Variants in MAGI2 observed in about 807,000 individuals in gnomAD.
MAGI2 encodes membrane associated guanylate kinase, WW and PDZ domain containing 2.
Under a neutral mutation model 133.3 loss-of-function variants are expected in MAGI2, and 35 were observed. The observed-to-expected ratio is 0.26, with a 90% CI of 0.20 to 0.35. The LOEUF is 0.35. MAGI2 is among the 10% of genes least tolerant of loss of function. The pLI is 1.00. For missense variants in MAGI2, 1,636 were observed against 1,863.4 expected (o/e 0.88, Z 2.25); for synonymous variants, 729 against 710.6 (o/e 1.03, Z -0.41).
At chr7:78,982,456 GATT>G in intron 2 of MAGI2, among the ~76,000 whole-genome samples, 1 of 151,660 alleles carries the variant, frequency 6.6e-6, no homozygotes, top group Non-Finnish European at 1.5e-5. Context: ...TGATGTTAGT[GATT>G]ATTATCATCA....
At chr7:78,943,723 A>G (rs1305027814) in intron 2 of MAGI2, among the ~76,000 whole-genome samples, 1 of 152,194 alleles carries the variant, frequency 6.6e-6, no homozygotes, top group Non-Finnish European at 1.5e-5. Flanking sequence ...TATTGCAAGT[A>G]GCATTTTGTT....
chr7:78,106,535 T>G (rs1449661110), intron 20 of MAGI2, among the ~76,000 whole-genome samples: 1 of 152,206 alleles, frequency 6.6e-6, no homozygotes, highest in Non-Finnish European at 1.5e-5. Flanking sequence ...GCCTATCTTT[T>G]GGATAAAAGC....
intron 2 of MAGI2, among the ~76,000 whole-genome samples, chr7:78,669,636 C>T (rs908563785): frequency 2.6e-5 from 4 of 152,020 alleles, no homozygotes; most frequent in African/African-American, 9.7e-5. Context: ...AATTTTAGAC[C>T]AATATCCTTG....
At chr7:78,668,161 T>C (rs1038417340) in intron 2 of MAGI2, among the ~76,000 whole-genome samples, 5 of 152,224 alleles carry the variant, frequency 3.3e-5, no homozygotes, top group Non-Finnish European at 7.3e-5. Flanking sequence ...GAGCATTTTT[T>C]CACGTGTTTT....
chr7:78,757,608 T>C (rs1328665069), intron 2 of MAGI2, among the ~76,000 whole-genome samples: 1 of 152,184 alleles, frequency 6.6e-6, no homozygotes. Context: ...GTCCTCATCT[T>C]ATATGACTTA....
At chr7:78,091,076 GTGA>G (rs1012415317) in intron 20 of MAGI2, among the ~76,000 whole-genome samples, 14 of 151,304 alleles carry the variant, frequency 9.3e-5, no homozygotes, top group African/African-American at 3.2e-4. Context: ...GTGTGTGTGT[GTGA>G]TAAGAGAGTA....
intron 3 of MAGI2, among the ~76,000 whole-genome samples, chr7:78,573,345 TAGAGAGAGAGAATCCTGGAA>T (rs1801899405): frequency 1.5e-4 from 10 of 65,136 alleles, no homozygotes; most frequent in East Asian, 5.4e-4. Context: ...TATATATATA[TAGAGAGAGAGAATCCTGGAA>T]ATATATATAT....
intron 2 of MAGI2, among the ~76,000 whole-genome samples, chr7:78,757,669 T>C (rs904012111): frequency 2.6e-4 from 39 of 152,234 alleles, no homozygotes; most frequent in African/African-American, 8.7e-4. Flanking sequence ...CACTTCTTCA[T>C]TGGCTTTGAG....
chr7:78,159,637 TG>T (rs1329956972), intron 16 of MAGI2, among the ~76,000 whole-genome samples: 1 of 152,234 alleles, frequency 6.6e-6, no homozygotes, highest in Non-Finnish European at 1.5e-5. Context: ...TTTGCATGTC[TG>T]GTTCTATTCT....
At chr7:79,380,480 C>T (rs1843698661) in intron 1 of MAGI2, among the ~76,000 whole-genome samples, 1 of 151,684 alleles carries the variant, frequency 6.6e-6, no homozygotes, top group Admixed American at 6.6e-5. Context: ...TTGCTCTTGC[C>T]CATTAGTTCT....
rs776686800 is a variant in MAGI2, at chr7:79,299,098, T to C, written c.301+153922A>G. 1.4e-4 allele frequency among the ~76,000 whole-genome samples: 22 copies of C among 152,262 alleles called. 1 individual carries two copies. The Middle Eastern group carries it at 0.01, about 71-fold the overall frequency. ...AAGCAGAGAAAAGTAATTTCTCTGC[T>C]ATAAGTAATAAGGCAATGTGATGGG... On this transcript the variant is annotated intron_variant, in intron 1 of 21. Transcript: ENST00000354212.
At chr7:78,933,462 G>C (rs565771638) in intron 2 of MAGI2, among the ~76,000 whole-genome samples, 2 of 152,190 alleles carry the variant, frequency 1.3e-5, no homozygotes, top group Non-Finnish European at 2.9e-5. Context: ...GTGTATGCTT[G>C]GCACAAACTC....
At chr7:78,395,790 G>A (rs1796294928) in intron 6 of MAGI2, among the ~76,000 whole-genome samples, 2 of 152,148 alleles carry the variant, frequency 1.3e-5, no homozygotes, top group South Asian at 2.1e-4. Context: ...AGAATGGCAA[G>A]AATGTGATGA....
At chr7:78,210,070 A>T (rs1787619025) in intron 10 of MAGI2, among the ~76,000 whole-genome samples, 1 of 151,828 alleles carries the variant, frequency 6.6e-6, no homozygotes, top group African/African-American at 2.4e-5. Context: ...TGTATCCTGC[A>T]TTTTTCCTTT....
At chr7:78,478,678 C>T (rs1044802453) in intron 6 of MAGI2, among the ~76,000 whole-genome samples, 9 of 151,896 alleles carry the variant, frequency 5.9e-5, no homozygotes, top group Non-Finnish European at 1.5e-5. Context: ...GCTAAATACC[C>T]TGGAAACAAT....
chr7:78,338,237 T>C (rs999682439), intron 9 of MAGI2, among the ~76,000 whole-genome samples: 1 of 152,234 alleles, frequency 6.6e-6, no homozygotes, highest in Non-Finnish European at 1.5e-5. Flanking sequence ...AGGTGAAACA[T>C]TAATGTACAC....
At chr7:78,882,857 T>TC (rs1795983671) in intron 2 of MAGI2, among the ~76,000 whole-genome samples, 2 of 151,880 alleles carry the variant, frequency 1.3e-5, no homozygotes, top group South Asian at 4.1e-4. Context: ...AGAACATACC[T>TC]CAAAATAATA....
chr7:79,361,132 T>C (rs1842351919), intron 1 of MAGI2, among the ~76,000 whole-genome samples: 1 of 152,196 alleles, frequency 6.6e-6, no homozygotes, highest in Admixed American at 6.5e-5. Context: ...GGCCACTGCA[T>C]AATAATTAAA....
chr7:79,026,015 A>T (rs1809849290), intron 1 of MAGI2, among the ~76,000 whole-genome samples: 2 of 152,168 alleles, frequency 1.3e-5, no homozygotes. Context: ...CCACTTATAC[A>T]CTTACCAGGC....
Sources: allele counts gnomAD v4.1 joint callset (sites outside exome capture counted in the v4.1 genomes callset), GRCh38; gene constraint gnomAD v4.1.1; transcripts MANE v1.5; gene names NCBI Gene and HGNC (gene_info 2026-07-23, HGNC 2026-07-21).